ZFAND3: variants seen among roughly 807,000 people sequenced by gnomAD.
ZFAND3 encodes the protein AN1-type zinc finger protein 3.
Under a neutral mutation model 29.6 loss-of-function variants are expected in ZFAND3, and 10 were observed. The ratio of observed to expected loss-of-function variants is 0.34; its 90% CI spans 0.21 to 0.57. The LOEUF is 0.57. Ranked by LOEUF, ZFAND3 falls within the 20% of genes least tolerant of loss-of-function variation. ZFAND3 has a pLI of 0.86. For missense variants in ZFAND3, 230 were observed against 304.5 expected (o/e 0.76, Z 1.82); for synonymous variants, 128 against 112.6 (o/e 1.14, Z -0.87).
intron 1 of ZFAND3, among the ~76,000 whole-genome samples, chr6:37,864,762 CACACACACAT>C (rs1300374521): frequency 3.3e-5 from 5 of 151,096 alleles, no homozygotes; most frequent in Non-Finnish European, 4.4e-5. Flanking sequence ...CACACACACA[CACACACACAT>C]GCACACATAC....
intron 1 of ZFAND3, among the ~76,000 whole-genome samples, chr6:37,837,932 G>T (rs1042848976): frequency 2.0e-5 from 3 of 152,004 alleles, no homozygotes; most frequent in Non-Finnish European, 2.9e-5. Context: ...TAAATATTAC[G>T]GCAACTTGAT....
chr6:38,046,382 C>T (rs952127114), intron 2 of ZFAND3, among the ~76,000 whole-genome samples: 2 of 152,220 alleles, frequency 1.3e-5, no homozygotes, highest in Admixed American at 1.3e-4. Context: ...TAACTTCTGC[C>T]TCTTCCGCTG....
At chr6:38,099,218 A>T (rs565442765) in intron 4 of ZFAND3, among the ~76,000 whole-genome samples, 37 of 152,310 alleles carry the variant, frequency 2.4e-4, no homozygotes, top group African/African-American at 8.7e-4. Context: ...ACATGAGAAG[A>T]TACTTTAGCC....
intron 4 of ZFAND3, among the ~76,000 whole-genome samples, chr6:38,096,818 T>C (rs965604083): frequency 5.3e-5 from 8 of 152,142 alleles, no homozygotes; most frequent in Non-Finnish European, 7.4e-5. Flanking sequence ...AGCTCACTTT[T>C]GTTCTCTGAA....
chr6:37,839,241 C>T (rs908304476), intron 1 of ZFAND3, among the ~76,000 whole-genome samples: 2 of 150,628 alleles, frequency 1.3e-5, no homozygotes, highest in East Asian at 3.9e-4. Context: ...AGTGCAGTGG[C>T]GCGATCTCAG....
At position 37,964,909 on chromosome 6, in the gene ZFAND3, C is replaced by T. The variant is rs79099198; in HGVS notation, c.112+34910C>T. 9.3e-3 allele frequency among the ~76,000 whole-genome samples: 1,409 copies of T among 152,170 alleles called. 17 individuals are homozygous for T. Among genetic ancestry groups the T allele is most frequent in the African/African-American group, 0.033 (1,355 of 41,500 alleles). On this transcript the variant is annotated intron_variant, in intron 2 of 5. Transcript: ENST00000287218. ...GAGGGTAGTAATAGGACTTAGAGCC[C>T]TGTGAGGATTTAGTGAGATACTGGG... is the stretch of plus-strand genomic sequence containing the variant.
chr6:37,865,241 T>C (rs566078123), intron 1 of ZFAND3, among the ~76,000 whole-genome samples: 1 of 152,252 alleles, frequency 6.6e-6, no homozygotes, highest in Non-Finnish European at 1.5e-5. Flanking sequence ...CCTGTACGCT[T>C]TAAATCATCT....
At chr6:38,014,679 G>C (rs1763223629) in intron 2 of ZFAND3, among the ~76,000 whole-genome samples, 1 of 152,118 alleles carries the variant, frequency 6.6e-6, no homozygotes, top group African/African-American at 2.4e-5. Flanking sequence ...GAGTATATCT[G>C]GCTTCAATCA....
At chr6:38,148,485 A>G (rs1358365056) in intron 5 of ZFAND3, among the ~76,000 whole-genome samples, 1 of 152,168 alleles carries the variant, frequency 6.6e-6, no homozygotes, top group Non-Finnish European at 1.5e-5. Context: ...AGGTAGAGGA[A>G]GTGTTAAGGC....
At chr6:38,050,034 A>G (rs1470954945) in intron 2 of ZFAND3, among the ~76,000 whole-genome samples, 1 of 139,308 alleles carries the variant, frequency 7.2e-6, no homozygotes, top group African/African-American at 2.8e-5. Flanking sequence ...GGCTTTCTGC[A>G]ACTTCTGCAT....
In ZFAND3 at chr6:37,915,385, G is replaced by T. The variant is rs112144643; in HGVS notation, c.72-14574G>T. The stretch of plus-strand genomic sequence containing the variant: ...TTTGCATTCACAACCTGGCTAACTG[G>T]CATAAGAGGCCTAGCTTTAGGCCTA... On this transcript the variant is annotated intron_variant, in intron 1 of 5. Coordinates refer to ENST00000287218, the MANE Select transcript of ZFAND3 (RefSeq NM_021943.3). Among the ~76,000 whole-genome samples, 73 of 152,284 alleles carry T rather than the reference G, an allele frequency of 4.8e-4. 1 individual carries two copies. Among genetic ancestry groups the T allele is most frequent in the African/African-American group, 9.9e-4 (41 of 41,564 alleles).
chr6:38,018,014 T>G (rs1433209015), intron 2 of ZFAND3, among the ~76,000 whole-genome samples: 1 of 152,218 alleles, frequency 6.6e-6, no homozygotes. Flanking sequence ...CAGCTCCCTT[T>G]TGCAGTTGTT....
intron 2 of ZFAND3, among the ~76,000 whole-genome samples, chr6:37,995,217 A>T (rs1466681842): frequency 6.6e-6 from 1 of 152,128 alleles, no homozygotes; most frequent in Non-Finnish European, 1.5e-5. Context: ...TTTTGAGGTG[A>T]TCTTCTTAGT....
intron 2 of ZFAND3, among the ~76,000 whole-genome samples, chr6:38,059,699 G>A (rs1006744091): frequency 6.6e-6 from 1 of 152,084 alleles, no homozygotes; most frequent in Non-Finnish European, 1.5e-5. Context: ...CCAACATGAT[G>A]AAACTCTGTC....
rs749255391 is a variant in ZFAND3 at position 38,061,742 on chromosome 6, G to A, written c.262G>A (p.Glu88Lys). The change falls in exon 3 of 6, where the codon GAA becomes AAA. Residue 88 changes from glutamate to lysine, a missense_variant. Transcript: ENST00000287218. ...LSPSQQPLPTELNVTSPSKEE... is the reference protein window; with the variant it reads ...LSPSQQPLPTKLNVTSPSKEE... ...TCCCAGCCAGCAGCCGCTTCCGACA[G>A]AACTGAATGTAACTTCACCGAGTAA... 1.2e-6 allele frequency: 2 copies of A among 1,614,118 alleles called. No homozygotes were observed. The highest frequency in any genetic ancestry group is 2.2e-5 in the South Asian group (2 of 91,082).
intron 3 of ZFAND3, among the ~76,000 whole-genome samples, chr6:38,065,566 A>G (rs867144166): frequency 6.6e-6 from 1 of 152,230 alleles, no homozygotes; most frequent in African/African-American, 2.4e-5. Context: ...TTAATTTTCA[A>G]TATAGCCTAT....
intron 1 of ZFAND3, among the ~76,000 whole-genome samples, chr6:37,876,516 A>G (rs967098113): frequency 2.0e-5 from 3 of 152,158 alleles, no homozygotes; most frequent in African/African-American, 2.4e-5. Flanking sequence ...AAGAGCCCCT[A>G]CTGTTGTAAA....
intron 2 of ZFAND3, among the ~76,000 whole-genome samples, chr6:37,971,236 C>T (rs934428238): frequency 3.9e-5 from 6 of 152,160 alleles, no homozygotes; most frequent in South Asian, 2.1e-4. Flanking sequence ...TAAGCCGTCT[C>T]GTGCCCCAGC....
chr6:38,100,683 C>G (rs906184661), intron 4 of ZFAND3, among the ~76,000 whole-genome samples: 1 of 152,186 alleles, frequency 6.6e-6, no homozygotes, highest in Non-Finnish European at 1.5e-5. Context: ...AGTAGGCACT[C>G]CAGCCACTTA....
Sources: allele counts gnomAD v4.1 joint callset (sites outside exome capture counted in the v4.1 genomes callset), GRCh38; gene constraint gnomAD v4.1.1; transcripts MANE v1.5; gene names NCBI Gene and HGNC (gene_info 2026-07-23, HGNC 2026-07-21).